The following GALNT17 variants were observed in gnomAD, a reference collection of about 807,000 sequenced individuals.
The protein encoded by GALNT17 is polypeptide N-acetylgalactosaminyltransferase 17.
In GALNT17, 29 loss-of-function variants were observed where a neutral mutation model predicts 63.7. The observed-to-expected ratio is 0.46, with a 90% CI of 0.34 to 0.62. The LOEUF is 0.62. GALNT17 is among the 20% of genes least tolerant of loss of function. The probability of loss-of-function intolerance (pLI) is 0.01; values close to 1 mark genes in which losing one functional copy is unlikely to be tolerated. For synonymous variants in GALNT17, 305 were observed against 318.3 expected, an observed-to-expected ratio of 0.96 and a Z score of 0.45; for missense variants, 603 against 799.6, an observed-to-expected ratio of 0.75 and a Z score of 2.97.
At chr7:71,392,157 C>T in intron 3 of GALNT17, among the ~76,000 whole-genome samples, 1 of 152,056 alleles carries the variant, frequency 6.6e-6, no homozygotes, top group East Asian at 1.9e-4. Context: ...ATTTAGTTTC[C>T]CCCAGAAGCA....
intron 5 of GALNT17, among the ~76,000 whole-genome samples, chr7:71,424,632 C>T (rs1316643338): frequency 6.6e-6 from 1 of 152,152 alleles, no homozygotes; most frequent in Non-Finnish European, 1.5e-5. Flanking sequence ...CCAATGATGT[C>T]TTTTTAATGT....
intron 1 of GALNT17, among the ~76,000 whole-genome samples, chr7:71,242,243 T>TC (rs1554343507): frequency 6.9e-6 from 1 of 144,074 alleles, no homozygotes; most frequent in Non-Finnish European, 1.5e-5. Flanking sequence ...GGATCACATT[T>TC]CTTTTTTTTT....
At chr7:71,676,876 A>C (rs1417510843) in intron 8 of GALNT17, among the ~76,000 whole-genome samples, 3 of 152,168 alleles carry the variant, frequency 2.0e-5, no homozygotes. Flanking sequence ...AGAAGCTTCA[A>C]AGCTGTTTAG....
At chr7:71,206,314 A>G (rs964624296) in intron 1 of GALNT17, among the ~76,000 whole-genome samples, 1 of 151,962 alleles carries the variant, frequency 6.6e-6, no homozygotes, top group Non-Finnish European at 1.5e-5. Flanking sequence ...TCCCCAGTCC[A>G]TGGACCCTTT....
chr7:71,426,860 A>G (rs1055162006), intron 5 of GALNT17, among the ~76,000 whole-genome samples: 1 of 151,086 alleles, frequency 6.6e-6, no homozygotes, highest in South Asian at 2.1e-4. Context: ...CGGAGGTTGC[A>G]GTGAGCCAAG....
At position 71,712,973 on chromosome 7, in the gene GALNT17, G is replaced by A. The variant is rs762621749; in HGVS notation, c.*827G>A. The A allele has an allele frequency of 2.6e-5, 4 of 152,880 alleles. No individual in the cohort carries two copies. Among genetic ancestry groups the A allele is most frequent in the South Asian group, 2.1e-4 (1 of 4,830 alleles). 9.5% of individuals were successfully genotyped at this position (152,880 alleles called of 1,614,324 possible). A position where few individuals can be genotyped will look rare whatever the true frequency, so the allele number is the denominator to read the frequency against. Reference sequence around the variant, plus strand: ...GAGGCTGCCACCGGGGAGAAGCAGCGGTCCTCCATCCAGAACCTAAGGGCT... The same window carrying A: ...GAGGCTGCCACCGGGGAGAAGCAGCAGTCCTCCATCCAGAACCTAAGGGCT... On this transcript the variant is annotated 3_prime_UTR_variant, in exon 11 of 11. Transcript: ENST00000333538.
chr7:71,227,347 G>C (rs1188239394), intron 1 of GALNT17, among the ~76,000 whole-genome samples: 1 of 151,158 alleles, frequency 6.6e-6, no homozygotes, highest in African/African-American at 2.4e-5. Flanking sequence ...CTGGATGAGA[G>C]AGCAAGACCC....
intron 2 of GALNT17, among the ~76,000 whole-genome samples, chr7:71,351,420 C>G (rs1447131781): frequency 1.3e-5 from 2 of 151,996 alleles, no homozygotes; most frequent in African/African-American, 2.4e-5. Context: ...CATCTGGAAC[C>G]TCAGGTCACC....
At chr7:71,504,186 C>T (rs1420652856) in intron 5 of GALNT17, among the ~76,000 whole-genome samples, 2 of 150,598 alleles carry the variant, frequency 1.3e-5, no homozygotes, top group East Asian at 3.9e-4. Flanking sequence ...GAGATTGTGC[C>T]ACTGCACTCC....
chr7:71,242,553 C>T (rs1790018711), intron 1 of GALNT17, among the ~76,000 whole-genome samples: 1 of 152,100 alleles, frequency 6.6e-6, no homozygotes, highest in African/African-American at 2.4e-5. Context: ...CAGGTGTGAG[C>T]CACCGCGCCT....
rs769050522 is a variant in GALNT17 at position 71,416,028 on chromosome 7, C to T, written c.729C>T (p.Gly243=). The T allele has an allele frequency of 6.8e-6, 11 of 1,613,134 alleles. No individual in the cohort carries two copies. In the Admixed American group the frequency reaches 1.0e-4, roughly 15 times the overall value. Residue 243 remains glycine, a synonymous_variant, in exon 4 of 11, where the codon GGC becomes GGT. Coordinates refer to ENST00000333538, the MANE Select transcript of GALNT17 (RefSeq NM_022479.3). ...AGGTGGCTACCGGGCAGGTCACTGG[C>T]TTCTTTGATGCCCACGTGGAATTCA... is the stretch of plus-strand genomic sequence containing the variant. ...GWKVATGQVT[G]FFDAHVEFTA...
At chr7:71,544,693 G>A (rs1467192750) in intron 5 of GALNT17, among the ~76,000 whole-genome samples, 2 of 152,036 alleles carry the variant, frequency 1.3e-5, no homozygotes, top group Admixed American at 6.6e-5. Context: ...TTTTAGCATC[G>A]CAGTTGGCAT....
chr7:71,666,754 T>C (rs1790991411), intron 7 of GALNT17, among the ~76,000 whole-genome samples: 1 of 152,378 alleles, frequency 6.6e-6, no homozygotes, highest in African/African-American at 2.4e-5. Context: ...CTAGATTACT[T>C]ATAGATAATA....
chr7:71,427,618 C>T (rs1343992624), intron 5 of GALNT17, among the ~76,000 whole-genome samples: 2 of 152,010 alleles, frequency 1.3e-5, no homozygotes, highest in Admixed American at 1.3e-4. Flanking sequence ...CTGGAGTCTC[C>T]ATGCTCTGGT....
chr7:71,175,017 C>T (rs1788609944), intron 1 of GALNT17, among the ~76,000 whole-genome samples: 1 of 152,152 alleles, frequency 6.6e-6, no homozygotes, highest in African/African-American at 2.4e-5. Flanking sequence ...TGAGCTCAAC[C>T]CCTAGATTCT....
At position 71,694,979 on chromosome 7, in the gene GALNT17, A is replaced by G. The variant is rs149347927; in HGVS notation, c.1501-15782A>G. ...GGATACAGCCCTCCCTTCCCATTTC[A>G]CATATAGAGACAAAAAAGAAATTCA... is the stretch of plus-strand genomic sequence containing the variant. On this transcript the variant is annotated intron_variant, in intron 9 of 10. Transcript: ENST00000333538. Among the ~76,000 whole-genome samples, 410 of 152,340 alleles carry G rather than the reference A, an allele frequency of 2.7e-3. 2 individuals carry two copies. Among genetic ancestry groups the G allele is most frequent in the African/African-American group, 9.4e-3 (390 of 41,570 alleles).
intron 2 of GALNT17, among the ~76,000 whole-genome samples, chr7:71,343,551 A>C (rs1331802064): frequency 6.6e-6 from 1 of 152,210 alleles, no homozygotes; most frequent in Non-Finnish European, 1.5e-5. Context: ...TCCACTGGAC[A>C]GATATTTTAA....
intron 6 of GALNT17, among the ~76,000 whole-genome samples, chr7:71,575,475 C>T (rs1453345596): frequency 1.3e-5 from 2 of 151,710 alleles, no homozygotes; most frequent in Non-Finnish European, 2.9e-5. Flanking sequence ...CTGCAGGCTC[C>T]GCCCTCGAGT....
chr7:71,616,922 A>ATAT lies in GALNT17; in HGVS notation c.1080+45520_1080+45521insTAT, dbSNP rs1562711740. On this transcript the variant is annotated intron_variant, in intron 6 of 10. Coordinates refer to ENST00000333538, the MANE Select transcript of GALNT17 (RefSeq NM_022479.3). ...TTCTTATAAGAATCATATTAAGAAT[A>ATAT]AATAATTATTATATCATATGGTTAA... Among the ~76,000 whole-genome samples, 97 of 144,784 alleles carry ATAT rather than the reference A, an allele frequency of 6.7e-4. 1 individual carries two copies. Among genetic ancestry groups the ATAT allele is most frequent in the African/African-American group, 2.1e-3 (83 of 40,038 alleles). The allele number at this position is 144,784 out of a possible 152,430, so 95.0% of individuals were successfully genotyped here. A position where few individuals can be genotyped will look rare whatever the true frequency, so the allele number is the denominator to read the frequency against.
Sources: gnomAD v4.1 joint callset for allele counts (sites outside exome capture counted in the v4.1 genomes callset) on GRCh38, gnomAD v4.1.1 for gene constraint, MANE v1.5 for transcripts, NCBI Gene and HGNC (gene_info 2026-07-23, HGNC 2026-07-21) for gene names.